RANBP1: variants seen among roughly 807,000 people sequenced by gnomAD.
RANBP1 encodes RAN binding protein 1, also known as ran-specific GTPase-activating protein.
In RANBP1, 16 loss-of-function variants were observed where a neutral mutation model predicts 31.4. The ratio of observed to expected loss-of-function variants is 0.51; its 90% CI spans 0.34 to 0.77. RANBP1 has a LOEUF of 0.77. Ranked by LOEUF, RANBP1 falls within the 30% of genes least tolerant of loss-of-function variation. The pLI, the probability that RANBP1 is intolerant of heterozygous loss-of-function variation, is 0.01. For synonymous variants in RANBP1, 129 were observed against 140.5 expected (o/e 0.92, Z 0.58); for missense variants, 265 against 362.0 (o/e 0.73, Z 2.17).
At chr22:20,116,839 C>G in intron 1 of RANBP1, 1 of 1,464,392 alleles carries the variant, frequency 6.8e-7, no homozygotes, top group Non-Finnish European at 9.5e-7. Context: ...CCCGCCTCCT[C>G]CCACCCCATC....
intron 2 of RANBP1, among the ~76,000 whole-genome samples, chr22:20,119,716 C>T (rs1286972580): frequency 2.6e-5 from 4 of 152,154 alleles, no homozygotes; most frequent in South Asian, 2.1e-4. Context: ...GGAGTTTCAC[C>T]GTATTAGCCA....
intron 1 of RANBP1, chr22:20,117,252 G>C (rs1206054967): frequency 7.2e-6 from 4 of 559,074 alleles, no homozygotes; most frequent in African/African-American, 4.0e-5. Context: ...CAACGTCATC[G>C]TCACGCGCCG....
chr22:20,120,211 C>A (rs923962475), intron 2 of RANBP1, among the ~76,000 whole-genome samples: 3 of 152,102 alleles, frequency 2.0e-5, no homozygotes, highest in South Asian at 4.1e-4. Context: ...AGGAAGGGGG[C>A]CAGGAGGGAT....
intron 2 of RANBP1, among the ~76,000 whole-genome samples, chr22:20,121,411 G>A (rs1266179203): frequency 3.3e-5 from 5 of 151,600 alleles, no homozygotes; most frequent in Non-Finnish European, 7.4e-5. Context: ...CACCACACCC[G>A]GCTAATTTTG....
chr22:20,117,425 A>T, intron 1 of RANBP1: 6 of 1,197,018 alleles, frequency 5.0e-6, no homozygotes, highest in Non-Finnish European at 6.2e-6. Context: ...GGACAATGAG[A>T]GTGTCCGCCT....
At chr22:20,125,622 T>TC (rs1312832843) in intron 4 of RANBP1, 186 bp downstream of exon 4, 2 of 1,489,064 alleles carry the variant, frequency 1.3e-6, no homozygotes, top group African/African-American at 2.8e-5. Flanking sequence ...AGCAGCGCCT[T>TC]CCCCCTTAAA....
chr22:20,122,068 C>CAAGATG (rs1159561870), intron 2 of RANBP1, among the ~76,000 whole-genome samples, 196 bp from the exon 3 acceptor site: 1 of 149,976 alleles, frequency 6.7e-6, no homozygotes, highest in Non-Finnish European at 1.5e-5. Context: ...AACCGGAATT[C>CAAGATG]AAGATGACCT....
At chr22:20,118,471 C>T (rs1399267987) in intron 1 of RANBP1, among the ~76,000 whole-genome samples, 1 of 152,196 alleles carries the variant, frequency 6.6e-6, no homozygotes, top group Non-Finnish European at 1.5e-5. Flanking sequence ...GCTGTGAATC[C>T]AGTGTAAATA....
intron 2 of RANBP1, among the ~76,000 whole-genome samples, chr22:20,121,612 A>G (rs2050173355): frequency 6.6e-6 from 1 of 151,874 alleles, no homozygotes; most frequent in Non-Finnish European, 1.5e-5. Context: ...CAGTGGTATC[A>G]TGGCTCACTG....
rs1294514771 is a variant in RANBP1 at position 20,122,438 on chromosome 22, A to G, written c.541+17A>G. Reference sequence around the variant, plus strand: ...ACCACTACAGTAGGTGGCATGAACGACCACCTCGACAGTCCCCAGCAGCTT... The same window carrying G: ...ACCACTACAGTAGGTGGCATGAACGGCCACCTCGACAGTCCCCAGCAGCTT... On this transcript the variant is annotated intron_variant, in intron 3 of 5. Coordinates refer to ENST00000430524, the MANE Select transcript of RANBP1 (RefSeq NM_001278639.2). The G allele has an allele frequency of 6.2e-7, 1 of 1,610,814 alleles. No homozygotes were observed. Among genetic ancestry groups the G allele is most frequent in the Non-Finnish European group, 8.5e-7 (1 of 1,178,370 alleles).
At chr22:20,117,422 GA>G (rs1466348888) in intron 1 of RANBP1, 1 of 1,202,972 alleles carries the variant, frequency 8.3e-7, no homozygotes, top group Non-Finnish European at 1.0e-6. Context: ...GCCGGACAAT[GA>G]GAGTGTCCGC....
chr22:20,125,108 A>T, intron 3 of RANBP1, 200 bp from the exon 4 acceptor site: 1 of 601,978 alleles, frequency 1.7e-6, no homozygotes, highest in Admixed American at 3.0e-5. Flanking sequence ...TTAAGTGAAT[A>T]TGGAGGATTT....
At chr22:20,124,140 G>C (rs534832797) in intron 3 of RANBP1, 1 of 152,716 alleles carries the variant, frequency 6.5e-6, no homozygotes, top group Non-Finnish European at 1.5e-5. Context: ...TCCTCGAGCC[G>C]TTTGAATCAT....
chr22:20,123,950 C>G (rs2050243007), intron 3 of RANBP1, among the ~76,000 whole-genome samples: 1 of 152,034 alleles, frequency 6.6e-6, no homozygotes, highest in Non-Finnish European at 1.5e-5. Context: ...CTGGCAGGAG[C>G]CTGAGTGGCT....
At chr22:20,117,388 GT>G in intron 1 of RANBP1, 3 of 1,213,924 alleles carry the variant, frequency 2.5e-6, no homozygotes, top group Non-Finnish European at 3.1e-6. Flanking sequence ...CGCCGCGGGC[GT>G]TTTGGCGGGA....
intron 1 of RANBP1, chr22:20,117,302 G>T (rs2050057903): frequency 2.3e-6 from 2 of 877,854 alleles, no homozygotes; most frequent in African/African-American, 1.8e-5. Context: ...CTAGAGGCGC[G>T]CGTGGCCGGG....
chr22:20,127,319 C>T lies in RANBP1; in HGVS notation c.*267C>T, dbSNP rs770025229. The T allele has an allele frequency of 1.4e-5, 4 of 296,242 alleles. No individual in the cohort carries two copies. Among genetic ancestry groups the T allele is most frequent in the Non-Finnish European group, 1.9e-5 (3 of 154,634 alleles). The allele number at this position is 296,242 out of a possible 1,614,324, so 18.4% of individuals were successfully genotyped here. Reference sequence around the variant, plus strand: ...AGTGGAAACACTTATTTATAGTCATCAAAAATAGTGAATAAAAAACACATT... The same window carrying T: ...AGTGGAAACACTTATTTATAGTCATTAAAAATAGTGAATAAAAAACACATT... On this transcript the variant is annotated 3_prime_UTR_variant, in exon 6 of 6. Coordinates refer to ENST00000430524, the MANE Select transcript of RANBP1 (RefSeq NM_001278639.2).
At chr22:20,117,354 T>C (rs1378357308) in intron 1 of RANBP1, 3 of 1,211,512 alleles carry the variant, frequency 2.5e-6, no homozygotes, top group African/African-American at 1.6e-5. Context: ...CGCGCTCCTC[T>C]GGCTGACGGG....
Position 20,125,396 on chromosome 22 carries a change from C to T in RANBP1, c.630C>T (p.Pro210=). 1 of 1,610,792 alleles carries T rather than the reference C, an allele frequency of 6.2e-7. No homozygotes were observed. The highest frequency in any genetic ancestry group is 1.3e-5 in the African/African-American group (1 of 74,982). The change falls in exon 4 of 6, where the codon CCC becomes CCT. Residue 210 remains proline (P), a synonymous_variant. Coordinates refer to ENST00000430524, the MANE Select transcript of RANBP1 (RefSeq NM_001278639.2). Reference sequence around the variant, plus strand: ...ACGCTGACTTCGCCGACGAGTGCCCCAAGCCAGAGCTGCTGGCCATCCGCT... The same window carrying T: ...ACGCTGACTTCGCCGACGAGTGCCCTAAGCCAGAGCTGCTGGCCATCCGCT... ...NTHADFADEC[P]KPELLAIRFL...
Sources: gnomAD v4.1 joint callset for allele counts (sites outside exome capture counted in the v4.1 genomes callset) on GRCh38, gnomAD v4.1.1 for gene constraint, MANE v1.5 for transcripts, NCBI Gene and HGNC (gene_info 2026-07-23, HGNC 2026-07-21) for gene names.